The following FHIT variants were observed in gnomAD, a reference collection of about 807,000 sequenced individuals.
FHIT encodes fragile histidine triad diadenosine triphosphatase, also known as bis(5'-adenosyl)-triphosphatase.
FHIT carries 19 observed loss-of-function variants against 17.9 expected under a neutral mutation model. The observed-to-expected ratio is 1.06, with a 90% CI of 0.74 to 1.56. The LOEUF (loss-of-function observed/expected upper bound fraction) is 1.56, where lower values mean the gene tolerates loss of function less well. Ranked by LOEUF, FHIT falls within the 40% of genes most tolerant of loss-of-function variation. The pLI, the probability that FHIT is intolerant of heterozygous loss-of-function variation, is 0.00. For missense variants in FHIT, 248 were observed against 189.2 expected (o/e 1.31, Z -1.82); for synonymous variants, 81 against 69.7 (o/e 1.16, Z -0.81).
intron 7 of FHIT, among the ~76,000 whole-genome samples, chr3:60,001,695 T>G: frequency 6.6e-6 from 1 of 152,176 alleles, no homozygotes; most frequent in South Asian, 2.1e-4. Flanking sequence ...CTTGCTCCTC[T>G]GGGATTTTCT....
Position 60,925,164 on chromosome 3 carries a change from A to G in FHIT, c.-110-103153T>C, listed in dbSNP as rs528647270. On this transcript the variant is annotated intron_variant, in intron 3 of 9. Coordinates refer to ENST00000492590, the MANE Select transcript of FHIT (RefSeq NM_002012.4). ...GATATTATCCAGGAGAACTTCCCCA[A>G]TCTAGCAAGGACGGCCAACATTCAA... Among the ~76,000 whole-genome samples, 105 of 152,214 alleles carry G rather than the reference A, an allele frequency of 6.9e-4. 1 individual carries two copies. Among genetic ancestry groups the G allele is most frequent in the Non-Finnish European group, 9.6e-4 (65 of 68,020 alleles).
At chr3:59,987,703 T>G (rs962611382) in intron 7 of FHIT, among the ~76,000 whole-genome samples, 1 of 151,922 alleles carries the variant, frequency 6.6e-6, no homozygotes, top group African/African-American at 2.4e-5. Context: ...GCACTAAAAA[T>G]CCTGAATTCC....
intron 5 of FHIT, among the ~76,000 whole-genome samples, chr3:60,307,225 A>C (rs1293108900): frequency 6.6e-6 from 1 of 152,118 alleles, no homozygotes; most frequent in African/African-American, 2.4e-5. Context: ...AAAACTTCAA[A>C]CTTTCTTAAC....
intron 4 of FHIT, among the ~76,000 whole-genome samples, chr3:60,663,380 T>C (rs2040307905): frequency 6.6e-6 from 1 of 151,742 alleles, no homozygotes; most frequent in Admixed American, 6.6e-5. Context: ...TTAATTTCTT[T>C]CATCAGCATT....
intron 4 of FHIT, among the ~76,000 whole-genome samples, chr3:60,581,092 G>T (rs782626079): frequency 6.6e-6 from 1 of 152,078 alleles, no homozygotes; most frequent in Non-Finnish European, 1.5e-5. Flanking sequence ...AGCTCTGAAT[G>T]AATATGGAAT....
intron 7 of FHIT, among the ~76,000 whole-genome samples, chr3:59,971,978 C>G (rs914805414): frequency 1.3e-5 from 2 of 152,272 alleles, no homozygotes; most frequent in South Asian, 4.1e-4. Flanking sequence ...TCAACCCCTT[C>G]ATGCTAGGCC....
Position 59,874,448 on chromosome 3 carries a change from G to A in FHIT, c.348+47898C>T, listed in dbSNP as rs183660360. 2.4e-3 allele frequency among the ~76,000 whole-genome samples: 368 copies of A among 152,334 alleles called. 1 individual carries two copies. The highest frequency in any genetic ancestry group is 3.5e-3 in the Admixed American group (54 of 15,306). On this transcript the variant is annotated intron_variant, in intron 8 of 9. Coordinates refer to ENST00000492590, the MANE Select transcript of FHIT (RefSeq NM_002012.4). ...GGAGGTTACTGAGCCCCAGTCAGCA[G>A]AGTTGCAGATTTAGTAGGTCTAGGG...
intron 4 of FHIT, among the ~76,000 whole-genome samples, chr3:60,558,464 G>C (rs1429885235): frequency 6.6e-6 from 1 of 151,900 alleles, no homozygotes; most frequent in African/African-American, 2.4e-5. Context: ...AGGAGAGTTT[G>C]AGTATGCCAT....
intron 8 of FHIT, among the ~76,000 whole-genome samples, chr3:59,772,592 G>C (rs2106838532): frequency 6.6e-6 from 1 of 152,310 alleles, no homozygotes; most frequent in African/African-American, 2.4e-5. Context: ...CAGGCAGGCT[G>C]GTGCCAAGGC....
intron 5 of FHIT, among the ~76,000 whole-genome samples, chr3:60,014,794 G>A (rs1445779783): frequency 1.3e-5 from 2 of 152,056 alleles, no homozygotes; most frequent in African/African-American, 4.8e-5. Flanking sequence ...GAAGACATTT[G>A]AAGGTAAATC....
chr3:60,902,049 T>G (rs1706141978), intron 3 of FHIT, among the ~76,000 whole-genome samples: 1 of 152,206 alleles, frequency 6.6e-6, no homozygotes, highest in Non-Finnish European at 1.5e-5. Context: ...AAATTTACAC[T>G]TTTAGTATAT....
intron 5 of FHIT, among the ~76,000 whole-genome samples, chr3:60,492,007 G>A (rs995431130): frequency 5.3e-5 from 8 of 152,042 alleles, no homozygotes; most frequent in Admixed American, 2.6e-4. Flanking sequence ...AAACAATCTC[G>A]CTCAGAGCTA....
chr3:61,082,125 A>G (rs533931398), intron 2 of FHIT, among the ~76,000 whole-genome samples: 1 of 152,310 alleles, frequency 6.6e-6, no homozygotes, highest in Non-Finnish European at 1.5e-5. Flanking sequence ...GATATAGAGA[A>G]AAGTGCATAA....
intron 2 of FHIT, among the ~76,000 whole-genome samples, chr3:61,048,361 A>G (rs1575912624): frequency 6.6e-6 from 1 of 152,378 alleles, no homozygotes; most frequent in East Asian, 1.9e-4. Context: ...TATGCAGCCA[A>G]CAGACACATG....
intron 4 of FHIT, among the ~76,000 whole-genome samples, chr3:60,647,831 G>A (rs2107801707): frequency 6.6e-6 from 1 of 152,194 alleles, no homozygotes; most frequent in Middle Eastern, 3.4e-3. Flanking sequence ...AAAAAGGATG[G>A]GAAAAGCTAG....
At chr3:60,361,112 C>T (rs1268446413) in intron 5 of FHIT, among the ~76,000 whole-genome samples, 1 of 152,168 alleles carries the variant, frequency 6.6e-6, no homozygotes, top group East Asian at 1.9e-4. Context: ...ATCCAATAAA[C>T]AGTTACTGGA....
intron 5 of FHIT, among the ~76,000 whole-genome samples, chr3:60,086,005 C>T (rs554962876): frequency 6.6e-6 from 1 of 152,260 alleles, no homozygotes; most frequent in East Asian, 1.9e-4. Context: ...TTATTTGGCT[C>T]ATGATTCTGA....
chr3:60,608,787 G>A (rs924276272), intron 4 of FHIT, among the ~76,000 whole-genome samples: 1 of 152,136 alleles, frequency 6.6e-6, no homozygotes, highest in African/African-American at 2.4e-5. Context: ...GTCAGTCAAA[G>A]TCATGTAAAG....
chr3:60,372,097 A>C (rs1223902551), intron 5 of FHIT, among the ~76,000 whole-genome samples: 1 of 152,170 alleles, frequency 6.6e-6, no homozygotes, highest in Non-Finnish European at 1.5e-5. Flanking sequence ...AATGGCTTAA[A>C]TGCATCATGT....
Sources: allele counts gnomAD v4.1 joint callset (sites outside exome capture counted in the v4.1 genomes callset), GRCh38; gene constraint gnomAD v4.1.1; transcripts MANE v1.5; gene names NCBI Gene and HGNC (gene_info 2026-07-23, HGNC 2026-07-21).